Variants in P2RX5 observed in about 807,000 individuals in gnomAD.
P2RX5 encodes P2X purinoceptor 5.
Under a neutral mutation model 54.1 loss-of-function variants are expected in P2RX5, and 46 were observed. The ratio of observed to expected loss-of-function variants is 0.85; its 90% confidence interval spans 0.67 to 1.09. The LOEUF is 1.09. Among genes scored for constraint, P2RX5 ranks in the 50% least tolerant of loss-of-function variants. The pLI, the probability that P2RX5 is intolerant of heterozygous loss-of-function variation, is 0.00. For synonymous variants in P2RX5, 226 were observed against 226.4 expected, an observed-to-expected ratio of 1.00 and a Z score of 0.02; for missense variants, 566 against 549.8, an observed-to-expected ratio of 1.03 and a Z score of -0.29.
At chr17:3,674,338 CA>C (rs11419219) in intron 11 of P2RX5, among the ~76,000 whole-genome samples, 11 of 146,210 alleles carry the variant, frequency 7.5e-5, no homozygotes, top group Admixed American at 2.0e-4. Flanking sequence ...AAAAAAAATA[CA>C]AAAAAAAAAG....
chr17:3,711,370 CTTTTTTTTTTTTT>C, the P2RX5 span, among the ~76,000 whole-genome samples: 76 of 63,098 alleles, frequency 1.2e-3, 1 homozygote, highest in Admixed American at 7.1e-3. Flanking sequence ...AGCACTCATT[CTTTTTTTTTTTTT>C]TTTTTTTTTT....
intron 10 of P2RX5, 75 bp from the exon 11 acceptor site, chr17:3,679,859 T>C: frequency 7.6e-7 from 1 of 1,316,114 alleles, no homozygotes; most frequent in Non-Finnish European, 1.1e-6. Flanking sequence ...GGAGTGGGCC[T>C]TGAAGAATCC....
chr17:3,694,502 G>A (rs776385280), intron 1 of P2RX5, among the ~76,000 whole-genome samples: 20 of 152,190 alleles, frequency 1.3e-4, no homozygotes, highest in Non-Finnish European at 2.6e-4. Context: ...CACAGCGCCC[G>A]GCCGCCAATT....
At chr17:3,680,905 GTCCTCCACCCTGCA>G (rs2050256833) in intron 10 of P2RX5, among the ~76,000 whole-genome samples, 2 of 106,596 alleles carry the variant, frequency 1.9e-5, no homozygotes, top group Non-Finnish European at 2.0e-5. Context: ...TCCACCCAGC[GTCCTCCACCCTGCA>G]TCCTCCACCC....
At chr17:3,689,466 G>A in intron 7 of P2RX5, 26 bp downstream of exon 7, 1 of 1,613,192 alleles carries the variant, frequency 6.2e-7, no homozygotes, top group Non-Finnish European at 8.5e-7. Flanking sequence ...CCCTCAGGGA[G>A]GGCTCCCTGC....
upstream of P2RX5, among the ~76,000 whole-genome samples, chr17:3,701,031 C>T (rs1001755186): frequency 3.3e-5 from 5 of 152,174 alleles, no homozygotes; most frequent in South Asian, 2.1e-4. Context: ...GTCCACATCA[C>T]GCTTCCCTGT....
At chr17:3,679,909 G>A (rs2050192455) in intron 10 of P2RX5, 125 bp from the exon 11 acceptor site, 2 of 812,802 alleles carry the variant, frequency 2.5e-6, no homozygotes, top group Non-Finnish European at 2.0e-6. Flanking sequence ...TCCAGCCGGT[G>A]TCCTCCACCC....
the P2RX5 span, chr17:3,720,360 A>G: frequency 9.5e-6 from 15 of 1,586,786 alleles, no homozygotes; most frequent in East Asian, 2.5e-4. Context: ...TTGTTGAAAG[A>G]TATTTCACCA....
upstream of P2RX5, among the ~76,000 whole-genome samples, chr17:3,699,160 C>G (rs1031532714): frequency 2.0e-5 from 3 of 151,788 alleles, no homozygotes; most frequent in Non-Finnish European, 4.4e-5. Flanking sequence ...CCTTGGGAGG[C>G]CAAGGCAGGA....
the P2RX5 span, chr17:3,723,379 A>T: frequency 2.5e-6 from 4 of 1,612,058 alleles, no homozygotes; most frequent in Middle Eastern, 1.7e-4. Context: ...CCATTCTTCC[A>T]CATGCTGGAA....
At position 3,673,563 on chromosome 17, in the gene P2RX5, G is replaced by A. The variant is rs112711569; in HGVS notation, c.*305C>T. Reference sequence around the variant, plus strand: ...CTTAGCTGAGGTGCTCAAGGACTCCGGAAGGAAGTCATGTTCCCCATTTAC... The same window carrying A: ...CTTAGCTGAGGTGCTCAAGGACTCCAGAAGGAAGTCATGTTCCCCATTTAC... On this transcript the variant is annotated 3_prime_UTR_variant, in exon 12 of 12. Coordinates refer to ENST00000225328, the MANE Select transcript of P2RX5 (RefSeq NM_002561.4). The A allele has an allele frequency of 1.8e-3, 2,438 of 1,352,974 alleles. 26 individuals carry two copies. In the African/African-American group the frequency reaches 0.03, roughly 16 times the overall value. 83.8% of individuals were successfully genotyped at this position (1,352,974 alleles called of 1,614,324 possible). A position where few individuals can be genotyped will look rare whatever the true frequency, so the allele number is the denominator to read the frequency against.
At position 3,673,676 on chromosome 17, in the gene P2RX5, C is replaced by T. The variant is rs776889136; in HGVS notation, c.*192G>A. On this transcript the variant is annotated 3_prime_UTR_variant, in exon 12 of 12. Transcript: ENST00000225328. ...GGCAAAAAGACAGCCATGATGGGTC[C>T]GTCCTGATGACCCCAGCATCAGACG... 605 of 1,504,494 alleles carry T rather than the reference C, an allele frequency of 4.0e-4. 1 individual carries two copies. Among genetic ancestry groups the T allele is most frequent in the Middle Eastern group, 7.2e-4 (3 of 4,148 alleles). 93.2% of individuals were successfully genotyped at this position (1,504,494 alleles called of 1,614,324 possible). A position where few individuals can be genotyped will look rare whatever the true frequency, so the allele number is the denominator to read the frequency against.
chr17:3,717,757 G>T, the P2RX5 span: 1 of 152,308 alleles, frequency 6.6e-6, no homozygotes, highest in Non-Finnish European at 1.5e-5. Flanking sequence ...TGACCTTCCA[G>T]TCCTATTTAG....
At chr17:3,709,540 T>C in the P2RX5 span, among the ~76,000 whole-genome samples, 2 of 152,202 alleles carry the variant, frequency 1.3e-5, no homozygotes, top group Non-Finnish European at 2.9e-5. Flanking sequence ...TCCCAGCTAC[T>C]GCAGATCACT....
chr17:3,684,504 A>C (rs1249201738), intron 9 of P2RX5, among the ~76,000 whole-genome samples: 1 of 152,180 alleles, frequency 6.6e-6, no homozygotes, highest in Non-Finnish European at 1.5e-5. Flanking sequence ...GGGGAGGCTG[A>C]GGTGGGAGGA....
the P2RX5 span, among the ~76,000 whole-genome samples, chr17:3,722,108 G>A: frequency 4.6e-5 from 7 of 152,010 alleles, no homozygotes; most frequent in Non-Finnish European, 8.8e-5. Context: ...GAACCCGGGA[G>A]GCGGAGGTTG....
rs222758 is a variant in P2RX5, at chr17:3,673,430, C to T, written c.*438G>A. 0.019 allele frequency: 20,612 copies of T among 1,079,372 alleles called. 237 individuals are homozygous for T. Among genetic ancestry groups the T allele is most frequent in the Middle Eastern group, 0.028 (63 of 2,220 alleles). The allele number at this position is 1,079,372 out of a possible 1,614,324, so 66.9% of individuals were successfully genotyped here. On this transcript the variant is annotated 3_prime_UTR_variant, in exon 12 of 12. Coordinates refer to ENST00000225328, the MANE Select transcript of P2RX5 (RefSeq NM_002561.4). ...GGAGAGTATGCTCTGAGGGAAGCTG[C>T]GGCACTTGCAGAGGGGAGTGGGCTG...
chr17:3,689,418 A>G (rs958316418), intron 7 of P2RX5, 74 bp downstream of exon 7: 4 of 1,571,428 alleles, frequency 2.5e-6, no homozygotes, highest in Non-Finnish European at 8.7e-7. Flanking sequence ...CCCCGTCCAC[A>G]CCCTCCTCGT....
At chr17:3,706,448 C>T in the P2RX5 span, among the ~76,000 whole-genome samples, 1 of 152,122 alleles carries the variant, frequency 6.6e-6, no homozygotes, top group African/African-American at 2.4e-5. Context: ...TAAAATTCGT[C>T]TCCTGAAGTA....
Sources: allele counts gnomAD v4.1 joint callset (sites outside exome capture counted in the v4.1 genomes callset), GRCh38; gene constraint gnomAD v4.1.1; transcripts MANE v1.5; gene names NCBI Gene and HGNC (gene_info 2026-07-23, HGNC 2026-07-21).